DOK7: variants seen among roughly 807,000 people sequenced by gnomAD.
DOK7 encodes the protein docking protein 7.
In DOK7, 32 loss-of-function variants were observed where a neutral mutation model predicts 30.7. The observed-to-expected ratio is 1.04, with a 90% CI of 0.79 to 1.40. The LOEUF (loss-of-function observed/expected upper bound fraction) is 1.40, where lower values mean the gene tolerates loss of function less well. Among genes scored for constraint, DOK7 ranks in the 40% most tolerant of loss-of-function variants. The pLI is 0.00. For synonymous variants in DOK7, 447 were observed against 324.1 expected (o/e 1.38, Z -4.07); for missense variants, 1,007 against 699.2 (o/e 1.44, Z -4.97).
rs950394979 is a variant in DOK7 at position 3,494,195 on chromosome 4, G to A, written c.*694G>A. The A allele has an allele frequency of 1.1e-5, 11 of 985,528 alleles. No homozygotes were observed. Among genetic ancestry groups the A allele is most frequent in the East Asian group, 2.3e-4 (2 of 8,812 alleles). The allele number at this position is 985,528 out of a possible 1,614,324, so 61.0% of individuals were successfully genotyped here. On this transcript the variant is annotated 3_prime_UTR_variant, in exon 7 of 7. Coordinates refer to ENST00000340083, the MANE Select transcript of DOK7 (RefSeq NM_173660.5). ...CCCACTGGGAGAGGCGCCGTGCCTC[G>A]GGCCCCTGGTGGGAGCTCTGCTGGC...
At chr4:3,471,211 T>C (rs1726740844) in intron 2 of DOK7, among the ~76,000 whole-genome samples, 1 of 152,236 alleles carries the variant, frequency 6.6e-6, no homozygotes, top group South Asian at 2.1e-4. Context: ...CAAGCATGTA[T>C]TGAGTGCTTA....
intron 2 of DOK7, among the ~76,000 whole-genome samples, chr4:3,472,383 A>C (rs975732545): frequency 6.6e-6 from 1 of 152,210 alleles, no homozygotes; most frequent in Non-Finnish European, 1.5e-5. Flanking sequence ...CCCCTCCTGC[A>C]TGCTCACAGG....
chr4:3,481,647 C>T (rs776127180), intron 4 of DOK7, among the ~76,000 whole-genome samples: 8 of 152,144 alleles, frequency 5.3e-5, no homozygotes, highest in Non-Finnish European at 7.4e-5. Flanking sequence ...CAGTCCTGCC[C>T]ATGCCTACCT....
Sources: allele counts gnomAD v4.1 joint callset (sites outside exome capture counted in the v4.1 genomes callset), GRCh38; gene constraint gnomAD v4.1.1; transcripts MANE v1.5; gene names NCBI Gene and HGNC (gene_info 2026-07-23, HGNC 2026-07-21).